The following PDCD1LG2 variants were observed in gnomAD, a reference collection of about 807,000 sequenced individuals.
PDCD1LG2 encodes B7 dendritic cell molecule.
Under a neutral mutation model 28.2 loss-of-function variants are expected in PDCD1LG2, and 32 were observed. The ratio of observed to expected loss-of-function variants is 1.13; its 90% CI spans 0.86 to 1.52. PDCD1LG2 has a LOEUF of 1.52. PDCD1LG2 is among the 40% of genes most tolerant of loss of function. The pLI, the probability that PDCD1LG2 is intolerant of heterozygous loss-of-function variation, is 0.00. For synonymous variants in PDCD1LG2, 116 were observed against 120.2 expected (o/e 0.97, Z 0.23); for missense variants, 385 against 323.8 (o/e 1.19, Z -1.45).
At chr9:5,523,153 G>A (rs1443007572) in intron 2 of PDCD1LG2, among the ~76,000 whole-genome samples, 1 of 152,162 alleles carries the variant, frequency 6.6e-6, no homozygotes, top group Non-Finnish European at 1.5e-5. Flanking sequence ...TGAACCTTAA[G>A]GCTATCCCTT....
At chr9:5,561,130 G>A (rs550098590) in intron 5 of PDCD1LG2, among the ~76,000 whole-genome samples, 1 of 152,288 alleles carries the variant, frequency 6.6e-6, no homozygotes, top group Admixed American at 6.5e-5. Context: ...GAGTATGCTA[G>A]ATCTGCTCTG....
Position 5,534,863 on chromosome 9 carries a change from T to A in PDCD1LG2, c.174T>A (p.Ser58Arg), listed in dbSNP as rs2129793622. The change falls in exon 3 of 7, where the codon AGT (serine) becomes AGA (arginine). Residue 58 changes from serine (S) to arginine (R), a missense_variant. By Grantham distance (110) the Ser-to-Arg change is moderately radical (BLOSUM62 -1). Transcript: ENST00000397747. ...TGAACCTTGGAGCAATAACAGCCAG[T>A]TTGCAAAAGGTGGAAAATGATACAT... ...SHVNLGAITA[S>R]LQKVENDTSP... is the part of the protein sequence containing the mutation. 6.2e-7 allele frequency: 1 copy of A among 1,614,002 alleles called. No homozygotes were observed. The highest frequency in any genetic ancestry group is 8.5e-7 in the Non-Finnish European group (1 of 1,179,990).
intron 2 of PDCD1LG2, among the ~76,000 whole-genome samples, chr9:5,526,126 T>C (rs892387097): frequency 1.3e-4 from 20 of 151,906 alleles, no homozygotes; most frequent in African/African-American, 3.9e-4. Context: ...CAGGCAGACA[T>C]ACATCATTAG....
intron 1 of PDCD1LG2, among the ~76,000 whole-genome samples, chr9:5,518,237 C>A (rs78139333): frequency 1.3e-5 from 2 of 152,232 alleles, no homozygotes; most frequent in Non-Finnish European, 2.9e-5. Context: ...AGCTCTTACT[C>A]ATTGCATAAA....
intron 3 of PDCD1LG2, 55 bp from the exon 4 acceptor site, chr9:5,549,280 G>A (rs1816274468): frequency 6.6e-7 from 1 of 1,513,004 alleles, no homozygotes; most frequent in South Asian, 1.2e-5. Context: ...GAAGTACCAA[G>A]CTCTATAGGA....
At chr9:5,527,219 G>T (rs980161484) in intron 2 of PDCD1LG2, among the ~76,000 whole-genome samples, 1 of 152,076 alleles carries the variant, frequency 6.6e-6, no homozygotes, top group African/African-American at 2.4e-5. Context: ...AAAGTCTTAT[G>T]AATTTTAACA....
chr9:5,524,622 G>A (rs1326318269), intron 2 of PDCD1LG2, among the ~76,000 whole-genome samples: 1 of 152,022 alleles, frequency 6.6e-6, no homozygotes, highest in Non-Finnish European at 1.5e-5. Context: ...GATTTCAGAG[G>A]AGGGTACCTG....
rs768368840 is a variant in PDCD1LG2, at chr9:5,569,327, G to C, written c.817-627G>C. 7.9e-5 allele frequency among the ~76,000 whole-genome samples: 12 copies of C among 152,266 alleles called. No homozygotes were observed. The highest frequency in any genetic ancestry group is 6.2e-4 in the South Asian group (3 of 4,820). ...AGGGAAGGTGACTATTCCTAGGTCT[G>C]AAGGAGAAAGGGGAGGGAGCAGTTC... On this transcript the variant is annotated intron_variant, in intron 6 of 6. Coordinates refer to ENST00000397747, the MANE Select transcript of PDCD1LG2 (RefSeq NM_025239.4). The surrounding 1 kb of genome is among the most constrained non-coding windows in gnomAD (Gnocchi z 4.1).
rs962406743 is a variant in PDCD1LG2, at chr9:5,549,417, T to A, written c.444T>A (p.Tyr148Ter). ...EVELTCQATG[Y>*]PLAEVSWPNV... ...AGCTCACCTGCCAGGCTACAGGTTA[T>A]CCTCTGGCAGAAGTATCCTGGCCAA... The change falls in exon 4 of 7, where the codon TAT becomes TAA. Residue 148 changes from tyrosine to a stop codon, truncating the protein, a stop_gained. Transcript: ENST00000397747. LOFTEE classifies it high-confidence loss of function. 1 of 1,614,076 alleles carries A rather than the reference T, an allele frequency of 6.2e-7. No individual in the cohort carries two copies. The highest frequency in any genetic ancestry group is 8.5e-7 in the Non-Finnish European group (1 of 1,179,934).
At chr9:5,561,031 C>A (rs1340430931) in intron 5 of PDCD1LG2, among the ~76,000 whole-genome samples, 1 of 152,072 alleles carries the variant, frequency 6.6e-6, no homozygotes, top group African/African-American at 2.4e-5. Flanking sequence ...TTCTCTGATT[C>A]ACCAATATAT....
intron 4 of PDCD1LG2, among the ~76,000 whole-genome samples, chr9:5,555,710 A>C (rs1340371070): frequency 1.3e-5 from 2 of 152,244 alleles, no homozygotes; most frequent in Admixed American, 1.3e-4. Context: ...AAGCTCAGTC[A>C]GTGCCAAACC....
Position 5,522,601 on chromosome 9 carries a change from G to GGTAAGAAAGGACAAAGGGAGAGGC in PDCD1LG2, c.55+1_55+24dup, listed in dbSNP as rs1173090975. On this transcript the variant is annotated protein_altering_variant and splice_region_variant. Coordinates refer to ENST00000397747, the MANE Select transcript of PDCD1LG2 (RefSeq NM_025239.4). ...GGAATTGCAGCTTCACCAGATAGCA[G>GGTAAGAAAGGACAAAGGGAGAGGC]GTAAGAAAGGACAAAGGGAGAGGCT... 2 of 1,613,436 alleles carry GGTAAGAAAGGACAAAGGGAGAGGC rather than the reference G, an allele frequency of 1.2e-6. No individual in the cohort carries two copies.
chr9:5,520,013 T>C (rs1376192681), intron 1 of PDCD1LG2, among the ~76,000 whole-genome samples: 1 of 152,226 alleles, frequency 6.6e-6, no homozygotes. Flanking sequence ...ATTCCCCAAA[T>C]TGATCTATGG....
chr9:5,556,849 C>T (rs1816452462), intron 4 of PDCD1LG2, among the ~76,000 whole-genome samples: 1 of 152,252 alleles, frequency 6.6e-6, no homozygotes, highest in Admixed American at 6.5e-5. Flanking sequence ...AGTCTGGAGC[C>T]CTTGTTCTAA....
At chr9:5,547,023 C>A (rs962204445) in intron 3 of PDCD1LG2, among the ~76,000 whole-genome samples, 2 of 152,076 alleles carry the variant, frequency 1.3e-5, no homozygotes, top group African/African-American at 4.8e-5. Flanking sequence ...AACATTGAGA[C>A]CCACAACACA....
At chr9:5,515,269 C>T (rs1256970607) in intron 1 of PDCD1LG2, among the ~76,000 whole-genome samples, 1 of 152,148 alleles carries the variant, frequency 6.6e-6, no homozygotes, top group African/African-American at 2.4e-5. Flanking sequence ...TTAGAAAACA[C>T]AAGTGAATTT....
chr9:5,514,991 T>C (rs1475843763), intron 1 of PDCD1LG2, among the ~76,000 whole-genome samples: 1 of 151,570 alleles, frequency 6.6e-6, no homozygotes, highest in Non-Finnish European at 1.5e-5. Flanking sequence ...GTGAGAGGAG[T>C]GGTCATATAG....
chr9:5,541,296 T>C (rs984425492), intron 3 of PDCD1LG2, among the ~76,000 whole-genome samples: 18 of 152,168 alleles, frequency 1.2e-4, no homozygotes, highest in African/African-American at 4.3e-4. Context: ...TCCCTGAGAA[T>C]TGGAACAAGA....
At chr9:5,514,195 C>A (rs749800089) in intron 1 of PDCD1LG2, among the ~76,000 whole-genome samples, 11 of 152,144 alleles carry the variant, frequency 7.2e-5, no homozygotes, top group Non-Finnish European at 4.4e-5. Flanking sequence ...TTGCACAGAC[C>A]AGAGAATTCC....
Sources: gnomAD v4.1 joint callset for allele counts (sites outside exome capture counted in the v4.1 genomes callset) on GRCh38, gnomAD v4.1.1 for gene constraint, Gnocchi (gnomAD v3.1) non-coding constraint, MANE v1.5 for transcripts, NCBI Gene and HGNC (gene_info 2026-07-23, HGNC 2026-07-21) for gene names.